Variants in RXFP1 observed in about 807,000 individuals in gnomAD.
The protein encoded by RXFP1 is relaxin family peptide receptor 1.
RXFP1 carries 73 observed loss-of-function variants against 89.8 expected under a neutral mutation model. That is an observed-to-expected ratio of 0.81 (90% CI 0.67 to 0.99). RXFP1 has a LOEUF of 0.99. Ranked by LOEUF, RXFP1 falls within the 50% of genes least tolerant of loss-of-function variation. The pLI is 0.00. For missense variants in RXFP1, 793 were observed against 895.5 expected (o/e 0.89, Z 1.46); for synonymous variants, 277 against 305.5 (o/e 0.91, Z 0.97).
At chr4:158,590,947 G>T (rs1759329498) in intron 2 of RXFP1, among the ~76,000 whole-genome samples, 1 of 152,184 alleles carries the variant, frequency 6.6e-6, no homozygotes, top group African/African-American at 2.4e-5. Flanking sequence ...AGATCAAGAA[G>T]CATTTGCTTC....
At chr4:158,532,931 C>T (rs1273476227) in intron 1 of RXFP1, among the ~76,000 whole-genome samples, 3 of 152,176 alleles carry the variant, frequency 2.0e-5, no homozygotes, top group Non-Finnish European at 4.4e-5. Flanking sequence ...CTTAGGCAGT[C>T]CCCCAAATTC....
chr4:158,536,907 G>T (rs193235303), intron 1 of RXFP1, among the ~76,000 whole-genome samples: 6 of 152,148 alleles, frequency 3.9e-5, no homozygotes, highest in Admixed American at 3.9e-4. Flanking sequence ...GTACTAGATA[G>T]CGTTTACACT....
Position 158,651,844 on chromosome 4 carries a change from T to G in RXFP1, c.2063T>G (p.Phe688Cys). 1 of 1,614,126 alleles carries G rather than the reference T, an allele frequency of 6.2e-7. No homozygotes were observed. Among genetic ancestry groups the G allele is most frequent in the South Asian group, 1.1e-5 (1 of 91,072 alleles). The change falls in exon 18 of 18, where the codon TTT becomes TGT. Residue 688 changes from phenylalanine (F) to cysteine (C), a missense_variant. Coordinates refer to ENST00000307765, the MANE Select transcript of RXFP1 (RefSeq NM_021634.4). ...PILYTLTTRP[F>C]KEMIHRFWYN... is the part of the protein sequence containing the mutation. ...CTCTATACTCTGACCACAAGACCAT[T>G]TAAAGAAATGATTCATCGGTTTTGG...
At chr4:158,642,406 T>A (rs1374828558) in intron 14 of RXFP1, among the ~76,000 whole-genome samples, 1 of 152,186 alleles carries the variant, frequency 6.6e-6, no homozygotes, top group Non-Finnish European at 1.5e-5. Flanking sequence ...TCTTTCTAGT[T>A]GTAACTTTGA....
intron 1 of RXFP1, among the ~76,000 whole-genome samples, chr4:158,552,233 T>A (rs1750308909): frequency 1.3e-5 from 2 of 152,216 alleles, no homozygotes; most frequent in South Asian, 4.1e-4. Context: ...AACTGACTGT[T>A]ACCACACCAG....
At position 158,634,517 on chromosome 4, in the gene RXFP1, T is replaced by G. The variant is rs957225893; in HGVS notation, c.971+1041T>G. 3.9e-5 allele frequency among the ~76,000 whole-genome samples: 6 copies of G among 152,320 alleles called. No homozygotes were observed. The East Asian group carries it at 1.2e-3, about 29-fold the overall frequency. On this transcript the variant is annotated intron_variant, in intron 12 of 17. Transcript: ENST00000307765. ...TGGTGTCCTTTGATGCACAAAAGTTTTTAATTTATGTATAGTCTAATTTTT... is the reference window on the plus strand; with the variant it reads ...TGGTGTCCTTTGATGCACAAAAGTTGTTAATTTATGTATAGTCTAATTTTT...
intron 1 of RXFP1, among the ~76,000 whole-genome samples, chr4:158,564,673 A>G (rs1326935673): frequency 6.6e-6 from 1 of 151,710 alleles, no homozygotes; most frequent in African/African-American, 2.4e-5. Context: ...CTAAAACAGC[A>G]TTCAGGGCAG....
At chr4:158,628,504 A>G in intron 10 of RXFP1, 134 bp from the exon 11 acceptor site, 1 of 420,538 alleles carries the variant, frequency 2.4e-6, no homozygotes, top group Non-Finnish European at 4.4e-6. Context: ...GATAATTTAT[A>G]CTACTTCAAA....
At chr4:158,532,076 T>A (rs1050905737) in intron 1 of RXFP1, among the ~76,000 whole-genome samples, 3 of 152,060 alleles carry the variant, frequency 2.0e-5, no homozygotes, top group Admixed American at 6.6e-5. Context: ...TTTTCAGAAT[T>A]TTCCCCCCCT....
intron 8 of RXFP1, among the ~76,000 whole-genome samples, chr4:158,614,887 G>A (rs1432771374): frequency 6.6e-6 from 1 of 152,150 alleles, no homozygotes; most frequent in Non-Finnish European, 1.5e-5. Flanking sequence ...GATTTAAGGT[G>A]AGGAGGTATG....
At chr4:158,650,493 G>A (rs1234804199) in intron 17 of RXFP1, among the ~76,000 whole-genome samples, 2 of 150,994 alleles carry the variant, frequency 1.3e-5, no homozygotes, top group African/African-American at 4.9e-5. Flanking sequence ...ATGTAGCAGG[G>A]CGCAGTGGCT....
At chr4:158,650,450 T>A (rs10016797) in intron 17 of RXFP1, among the ~76,000 whole-genome samples, 4,224 of 149,582 alleles carry the variant, frequency 0.028, 196 homozygotes, top group African/African-American at 0.097. Context: ...TATATATATA[T>A]AATGCAGTTT....
chr4:158,645,566 A>C (rs538803905), intron 15 of RXFP1, among the ~76,000 whole-genome samples: 1 of 152,342 alleles, frequency 6.6e-6, no homozygotes, highest in East Asian at 1.9e-4. Context: ...TCTCTGAGCT[A>C]CTAGAAGTTT....
intron 2 of RXFP1, among the ~76,000 whole-genome samples, chr4:158,583,365 C>A (rs1433053036): frequency 6.6e-6 from 1 of 152,210 alleles, no homozygotes; most frequent in Non-Finnish European, 1.5e-5. Context: ...TTGATGGAGA[C>A]ATTAGCGGTT....
At chr4:158,547,285 C>T (rs369991254) in intron 1 of RXFP1, among the ~76,000 whole-genome samples, 9 of 152,078 alleles carry the variant, frequency 5.9e-5, no homozygotes, top group East Asian at 1.9e-4. Flanking sequence ...TCTGTGGGAT[C>T]GGTGGTGATA....
At chr4:158,524,328 G>A (rs1741938871) in intron 1 of RXFP1, among the ~76,000 whole-genome samples, 2 of 152,170 alleles carry the variant, frequency 1.3e-5, no homozygotes, top group African/African-American at 4.8e-5. Flanking sequence ...GCCCGTTACA[G>A]ACGTAAGCAA....
intron 9 of RXFP1, among the ~76,000 whole-genome samples, chr4:158,622,989 G>A (rs1157492265): frequency 6.6e-6 from 1 of 152,112 alleles, no homozygotes. Context: ...TTAAAAGTAT[G>A]TCATGTAATT....
chr4:158,533,940 G>A (rs554460998), intron 1 of RXFP1, among the ~76,000 whole-genome samples: 4 of 151,970 alleles, frequency 2.6e-5, no homozygotes, highest in East Asian at 1.9e-4. Flanking sequence ...TATTCAAAGC[G>A]TGAAAAATCC....
intron 1 of RXFP1, chr4:158,544,010 T>A: frequency 1.0e-6 from 1 of 985,448 alleles, no homozygotes; most frequent in Non-Finnish European, 1.2e-6. Flanking sequence ...CCTTGGGCAT[T>A]TAAATATAAA....
Sources: allele counts gnomAD v4.1 joint callset (sites outside exome capture counted in the v4.1 genomes callset), GRCh38; gene constraint gnomAD v4.1.1; transcripts MANE v1.5; gene names NCBI Gene and HGNC (gene_info 2026-07-23, HGNC 2026-07-21).